Variants in KANTR observed in about 807,000 individuals in gnomAD.
KANTR encodes the protein KDM5C adjacent transcript.
intron 2 of KANTR, among the ~76,000 whole-genome samples, chrX:53,122,470 C>T (rs144540801): frequency 4.5e-5 from 5 of 111,310 alleles, no homozygotes; most frequent in Non-Finnish European, 7.5e-5. Context: ...ACCAGGACAT[C>T]TAGTACAATG....
intron 2 of KANTR, among the ~76,000 whole-genome samples, chrX:53,133,613 C>T (rs1602126671): frequency 9.0e-6 from 1 of 111,649 alleles, no homozygotes; most frequent in Non-Finnish European, 1.9e-5. Context: ...ACCAGCACTG[C>T]AGCTGCCTGG....
At chrX:53,105,994 A>G (rs1932948556) in intron 2 of KANTR, among the ~76,000 whole-genome samples, 1 of 103,362 alleles carries the variant, frequency 9.7e-6, no homozygotes, top group Non-Finnish European at 1.9e-5. Flanking sequence ...AGTAGCTGGG[A>G]CTACAGGCGC....
chrX:53,121,418 A>C (rs1487199936), intron 2 of KANTR, among the ~76,000 whole-genome samples: 1 of 112,362 alleles, frequency 8.9e-6, no homozygotes, highest in Non-Finnish European at 1.9e-5. Flanking sequence ...ATTTATCAAA[A>C]ATAAGAAAGC....
chrX:53,140,500 C>CA (rs782805364), intron 2 of KANTR, among the ~76,000 whole-genome samples: 1,283 of 42,079 alleles, frequency 0.03, 25 homozygotes, highest in African/African-American at 0.047. Context: ...GACTCTGTCT[C>CA]AAAAAAAAAA....
chrX:53,135,908 G>A (rs782029606), intron 2 of KANTR, among the ~76,000 whole-genome samples: 3 of 112,080 alleles, frequency 2.7e-5, no homozygotes, highest in African/African-American at 9.7e-5. Context: ...AGAGGGAAAT[G>A]AGCCTATCAT....
intron 2 of KANTR, among the ~76,000 whole-genome samples, chrX:53,136,732 T>A (rs868981624): frequency 1.2e-3 from 26 of 21,518 alleles, no homozygotes; most frequent in African/African-American, 2.1e-3. Flanking sequence ...ATATATATAT[T>A]TTGTTTGTTT....
chrX:53,121,252 C>T (rs782051899), intron 2 of KANTR, among the ~76,000 whole-genome samples: 3 of 111,656 alleles, frequency 2.7e-5, no homozygotes, highest in East Asian at 2.8e-4. Context: ...CTGCCTGCCT[C>T]GGCCTCCCAA....
chrX:53,097,216 G>C (rs1047982515), intron 1 of KANTR, among the ~76,000 whole-genome samples: 4 of 111,175 alleles, frequency 3.6e-5, no homozygotes, highest in Admixed American at 2.9e-4. Context: ...TGAACACTCT[G>C]TCCTCCCGGC....
downstream of KANTR, among the ~76,000 whole-genome samples, chrX:53,128,782 T>C (rs182652111): frequency 5.8e-3 from 612 of 105,251 alleles, 3 homozygotes; most frequent in African/African-American, 0.023. Flanking sequence ...TCTCCAAAGA[T>C]TTTTTTTTAG....
intron 2 of KANTR, among the ~76,000 whole-genome samples, chrX:53,109,410 G>A (rs957779756): frequency 1.1e-4 from 12 of 111,628 alleles, no homozygotes; most frequent in Non-Finnish European, 1.9e-4. Context: ...TCAGCCTCCC[G>A]AGTAGCTGGG....
chrX:53,106,824 G>A (rs1556812892), intron 2 of KANTR, among the ~76,000 whole-genome samples: 2 of 110,009 alleles, frequency 1.8e-5, no homozygotes, highest in African/African-American at 3.4e-5. Flanking sequence ...TTGTCTTGAC[G>A]ACCTTGTCAT....
intron 2 of KANTR, among the ~76,000 whole-genome samples, chrX:53,105,180 C>T (rs977018581): frequency 3.6e-5 from 4 of 111,504 alleles, no homozygotes; most frequent in African/African-American, 1.3e-4. Flanking sequence ...CATGGTGCCC[C>T]GCCTTATGTT....
intron 2 of KANTR, among the ~76,000 whole-genome samples, chrX:53,136,723 TATATATA>T (rs1933429284): frequency 4.3e-5 from 2 of 46,432 alleles, no homozygotes; most frequent in African/African-American, 1.2e-4. Flanking sequence ...TATATATATA[TATATATA>T]TTTTGTTTGT....
chrX:53,143,555 G>A, downstream of KANTR: 1 of 626,462 alleles, frequency 1.6e-6, no homozygotes, highest in South Asian at 2.2e-5. Flanking sequence ...CATGATCTGA[G>A]TCATCTTTTC....
chrX:53,135,612 C>T (rs1175814346), intron 2 of KANTR, among the ~76,000 whole-genome samples: 2 of 112,245 alleles, frequency 1.8e-5, no homozygotes, highest in Admixed American at 9.5e-5. Context: ...TAACCTTGTA[C>T]GTCTACTGAC....
chrX:53,127,606 T>A (rs1004891618), downstream of KANTR, among the ~76,000 whole-genome samples: 4 of 111,725 alleles, frequency 3.6e-5, no homozygotes, highest in Admixed American at 2.8e-4. Context: ...TGGGTTCTTT[T>A]GGGAAGCAAG....
chrX:53,133,802 T>C lies in KANTR; in HGVS notation n.204-8046T>C, dbSNP rs781940119. Among the ~76,000 whole-genome samples the C allele has an allele frequency of 1.3e-4, 15 of 111,523 alleles. No individual in the cohort carries two copies. The South Asian group carries it at 5.7e-3, about 42-fold the overall frequency. On this transcript the variant is annotated intron_variant and non_coding_transcript_variant, in intron 2 of 2. Coordinates refer to the KANTR transcript ENST00000366185. ...CTGGTCCACATAACAGCCCTGCCAG[T>C]GCCCTGACTATGCTGAGACATGGGT...
chrX:53,143,072 T>C, downstream of KANTR: 1 of 1,202,597 alleles, frequency 8.3e-7, no homozygotes, highest in Non-Finnish European at 1.1e-6. Flanking sequence ...TCACACTTCA[T>C]GATGGAGTTG....
chrX:53,096,810 C>T lies in KANTR; in HGVS notation c.-942+2526C>T, dbSNP rs781945975. Among the ~76,000 whole-genome samples the T allele has an allele frequency of 7.0e-4, 74 of 105,808 alleles. 1 individual carries two copies. The highest frequency in any genetic ancestry group is 2.5e-3 in the African/African-American group (72 of 28,777). The allele number at this position is 105,808 out of a possible 115,157, so 91.9% of individuals were successfully genotyped here. ...CACTGCACTCCAGCCTGGGTGACAG[C>T]GAGACCCTGTCTCAAAAAAAAAAGC... On this transcript the variant is annotated intron_variant, in intron 1 of 2. Coordinates refer to ENST00000604062, the Ensembl canonical transcript of KANTR.
Sources: allele counts gnomAD v4.1 joint callset (sites outside exome capture counted in the v4.1 genomes callset), GRCh38; gene constraint gnomAD v4.1.1; transcripts MANE v1.5; gene names NCBI Gene and HGNC (gene_info 2026-07-23, HGNC 2026-07-21).